The following SUCLG2 variants were observed in gnomAD, a reference collection of about 807,000 sequenced individuals.
The protein encoded by SUCLG2 is succinate--CoA ligase [GDP-forming] subunit beta, mitochondrial.
SUCLG2 carries 42 observed loss-of-function variants against 47.9 expected under a neutral mutation model. The ratio of observed to expected loss-of-function variants is 0.88; its 90% CI spans 0.69 to 1.14. The LOEUF (loss-of-function observed/expected upper bound fraction) is 1.14. SUCLG2 is among the 50% of genes most tolerant of loss of function. SUCLG2 has a pLI of 0.00. For missense variants in SUCLG2, 571 were observed against 525.9 expected (o/e 1.09, Z -0.84); for synonymous variants, 195 against 197.3 (o/e 0.99, Z 0.10).
chr3:67,476,736 A>G (rs988980306), intron 9 of SUCLG2, among the ~76,000 whole-genome samples: 3 of 152,174 alleles, frequency 2.0e-5, no homozygotes, highest in Non-Finnish European at 4.4e-5. Context: ...GTCTCATAAT[A>G]TTCTCCTAAC....
intron 2 of SUCLG2, among the ~76,000 whole-genome samples, chr3:67,574,828 T>A (rs1707702544): frequency 6.6e-6 from 1 of 152,180 alleles, no homozygotes; most frequent in African/African-American, 2.4e-5. Flanking sequence ...AGGACTTTTC[T>A]CCAGAATTTA....
At chr3:67,444,383 TG>T (rs1358893852) in intron 9 of SUCLG2, among the ~76,000 whole-genome samples, 2 of 35,542 alleles carry the variant, frequency 5.6e-5, no homozygotes, top group Admixed American at 3.0e-4. Context: ...GGGAGGGAGG[TG>T]GGGGGGTCAG....
At chr3:67,566,339 G>C (rs970117660) in intron 2 of SUCLG2, among the ~76,000 whole-genome samples, 7 of 152,166 alleles carry the variant, frequency 4.6e-5, no homozygotes, top group Non-Finnish European at 1.0e-4. Flanking sequence ...ATAATCATTA[G>C]AATTACATTT....
intron 1 of SUCLG2, among the ~76,000 whole-genome samples, chr3:67,621,010 T>A (rs1305489607): frequency 1.3e-5 from 2 of 152,240 alleles, no homozygotes; most frequent in Non-Finnish European, 2.9e-5. Flanking sequence ...AGAGCTGCAT[T>A]AAACCAGATT....
At chr3:67,619,508 G>C (rs1321923084) in intron 1 of SUCLG2, among the ~76,000 whole-genome samples, 1 of 152,160 alleles carries the variant, frequency 6.6e-6, no homozygotes, top group African/African-American at 2.4e-5. Flanking sequence ...AAAGAAGCAG[G>C]AGGCTCTGGT....
At chr3:67,405,264 G>C (rs1480894798) in intron 9 of SUCLG2, among the ~76,000 whole-genome samples, 1 of 151,858 alleles carries the variant, frequency 6.6e-6, no homozygotes. Flanking sequence ...CAAATGTCTG[G>C]GTGTTTTGCT....
At chr3:67,391,378 ACAATT>A (rs1363536165) in intron 10 of SUCLG2, among the ~76,000 whole-genome samples, 7 of 152,170 alleles carry the variant, frequency 4.6e-5, no homozygotes, top group Non-Finnish European at 1.0e-4. Flanking sequence ...TAAGAAGGAC[ACAATT>A]TGCACTCCTA....
intron 2 of SUCLG2, among the ~76,000 whole-genome samples, chr3:67,561,162 T>A (rs989999769): frequency 6.6e-6 from 1 of 151,670 alleles, no homozygotes. Flanking sequence ...TAGCTTTATC[T>A]TATTCCCAGG....
At chr3:67,396,449 A>AAATT (rs1702532275) in intron 10 of SUCLG2, among the ~76,000 whole-genome samples, 5 of 152,192 alleles carry the variant, frequency 3.3e-5, no homozygotes, top group African/African-American at 1.2e-4. Context: ...CTTGACACAT[A>AAATT]CACCCTCCCA....
intron 1 of SUCLG2, among the ~76,000 whole-genome samples, chr3:67,650,624 G>T (rs755779087): frequency 6.6e-6 from 1 of 152,114 alleles, no homozygotes; most frequent in Non-Finnish European, 1.5e-5. Flanking sequence ...AGGCATGGTG[G>T]CGTGCATCTG....
chr3:67,602,052 AAGAC>A (rs1252904408), intron 2 of SUCLG2, among the ~76,000 whole-genome samples: 3 of 152,160 alleles, frequency 2.0e-5, no homozygotes, highest in African/African-American at 4.8e-5. Context: ...ACACACCAAA[AAGAC>A]AGAAAGTAAA....
intron 10 of SUCLG2, among the ~76,000 whole-genome samples, chr3:67,384,383 A>C (rs1426810054): frequency 6.6e-6 from 1 of 152,170 alleles, no homozygotes; most frequent in Non-Finnish European, 1.5e-5. Flanking sequence ...CTGTTCCACT[A>C]TCTGTTTTTG....
Position 67,414,243 on chromosome 3 carries a change from C to T in SUCLG2, c.1063-13392G>A, listed in dbSNP as rs938274300. Among the ~76,000 whole-genome samples the T allele has an allele frequency of 1.4e-4, 21 of 152,172 alleles. No homozygotes were observed. The East Asian group carries it at 2.3e-3, about 17-fold the overall frequency. ...CCCTTTCATACTATGCCATCTAACT[C>T]GACTCCGAAGTTCTTGCCACCTAGT... On this transcript the variant is annotated intron_variant, in intron 9 of 10. Transcript: ENST00000307227.
downstream of SUCLG2, among the ~76,000 whole-genome samples, chr3:67,372,439 C>T (rs1451008274): frequency 6.6e-6 from 1 of 152,062 alleles, no homozygotes; most frequent in African/African-American, 2.4e-5. Flanking sequence ...CTAAACAATG[C>T]ATGACATACT....
At chr3:67,455,975 A>C (rs961587078) in intron 9 of SUCLG2, among the ~76,000 whole-genome samples, 1 of 152,220 alleles carries the variant, frequency 6.6e-6, no homozygotes, top group Non-Finnish European at 1.5e-5. Context: ...TACCACTGGA[A>C]GTAGTAAGAC....
At chr3:67,560,176 G>A (rs1707271993) in intron 2 of SUCLG2, among the ~76,000 whole-genome samples, 1 of 152,164 alleles carries the variant, frequency 6.6e-6, no homozygotes, top group South Asian at 2.1e-4. Flanking sequence ...CTGAGAATGT[G>A]ATCTTATTTG....
chr3:67,395,846 T>C (rs1702512473), intron 10 of SUCLG2, among the ~76,000 whole-genome samples: 2 of 151,876 alleles, frequency 1.3e-5, no homozygotes, highest in Non-Finnish European at 2.9e-5. Context: ...GCAATCAAAC[T>C]AGAACTCAGG....
intron 9 of SUCLG2, among the ~76,000 whole-genome samples, chr3:67,453,223 C>CTTT (rs5849757): frequency 4.7e-5 from 7 of 149,930 alleles, no homozygotes; most frequent in Admixed American, 2.7e-4. Flanking sequence ...ATTCAGACTT[C>CTTT]TTTTTTTTTT....
At chr3:67,388,856 G>T (rs1702314899) in intron 10 of SUCLG2, among the ~76,000 whole-genome samples, 1 of 152,146 alleles carries the variant, frequency 6.6e-6, no homozygotes, top group African/African-American at 2.4e-5. Context: ...TCCAAGTTGA[G>T]TCTGGAGGAT....
Sources: gnomAD v4.1 joint callset for allele counts (sites outside exome capture counted in the v4.1 genomes callset) on GRCh38, gnomAD v4.1.1 for gene constraint, MANE v1.5 for transcripts, NCBI Gene and HGNC (gene_info 2026-07-23, HGNC 2026-07-21) for gene names.